Variants in FREM2 observed in about 807,000 individuals in gnomAD.
FREM2 encodes the protein FRAS1-related extracellular matrix protein 2.
A neutral mutation model predicts 219.9 loss-of-function variants in FREM2; 119 were observed. The observed-to-expected ratio is 0.54, with a 90% CI of 0.47 to 0.63. The LOEUF is 0.63. Among genes scored for constraint, FREM2 ranks in the 30% least tolerant of loss-of-function variants. The probability of loss-of-function intolerance (pLI) is 0.00; values close to 1 mark genes in which losing one functional copy is unlikely to be tolerated. For missense variants in FREM2, 4,030 were observed against 3,993.6 expected, an observed-to-expected ratio of 1.01 and a Z score of -0.25; for synonymous variants, 1,562 against 1,522.8, an observed-to-expected ratio of 1.03 and a Z score of -0.60.
chr13:38,843,957 C>A (rs1877055628), intron 6 of FREM2, among the ~76,000 whole-genome samples: 1 of 151,368 alleles, frequency 6.6e-6, no homozygotes, highest in African/African-American at 2.4e-5. Flanking sequence ...CAAACTTTAA[C>A]TTCAGTAATT....
chr13:38,812,708 C>T (rs935127217), intron 6 of FREM2, among the ~76,000 whole-genome samples: 17 of 152,052 alleles, frequency 1.1e-4, no homozygotes, highest in African/African-American at 4.1e-4. Flanking sequence ...TGGTGAAACC[C>T]TGTCTCTACA....
chr13:38,886,676 TG>T lies in FREM2; in HGVS notation c.*5891del, dbSNP rs1259285222. The T allele has an allele frequency of 6.6e-6, 1 of 152,174 alleles. No individual in the cohort carries two copies. Among genetic ancestry groups the T allele is most frequent in the African/African-American group, 2.4e-5 (1 of 41,448 alleles). The allele number at this position is 152,174 out of a possible 1,614,324, so 9.4% of individuals were successfully genotyped here. The stretch of plus-strand genomic sequence containing the variant: ...ACCTCCCAAAGTACTGGAATTACAA[TG>T]GCGTGAGCCACCACAAGATATTTTT... On this transcript the variant is annotated 3_prime_UTR_variant, in exon 24 of 24. Coordinates refer to ENST00000280481, the MANE Select transcript of FREM2 (RefSeq NM_207361.6).
chr13:38,688,196 G>T lies in FREM2; in HGVS notation c.852G>T (p.Val284=). The T allele has an allele frequency of 6.2e-7, 1 of 1,613,290 alleles. No individual in the cohort carries two copies. The highest frequency in any genetic ancestry group is 8.5e-7 in the Non-Finnish European group (1 of 1,179,642). ...ACAGGGACTGGATACCCATGGTGGT[G>T]GAGCTGCGTTCACGAGGGGCTCCTG... ...SPNRDWIPMV[V]ELRSRGAPVG... The change falls in exon 1 of 24, where the codon GTG becomes GTT. Residue 284 remains valine (V), a synonymous_variant. Transcript: ENST00000280481.
chr13:38,854,496 C>A (rs1289947334), intron 11 of FREM2, among the ~76,000 whole-genome samples: 1 of 152,118 alleles, frequency 6.6e-6, no homozygotes, highest in Non-Finnish European at 1.5e-5. Flanking sequence ...TTCTGCCATG[C>A]AGGAAGGTGC....
intron 16 of FREM2, among the ~76,000 whole-genome samples, chr13:38,868,303 G>GT (rs766358065): frequency 2.0e-5 from 3 of 152,154 alleles, no homozygotes; most frequent in Non-Finnish European, 4.4e-5. Context: ...AATGATAGTT[G>GT]TAATAGCTTA....
At chr13:38,806,846 C>T (rs1052129476) in intron 6 of FREM2, among the ~76,000 whole-genome samples, 5 of 151,942 alleles carry the variant, frequency 3.3e-5, no homozygotes, top group African/African-American at 1.2e-4. Context: ...TCTGTCACTG[C>T]TTTATCAGCT....
At chr13:38,777,411 G>A (rs866948302) in intron 4 of FREM2, among the ~76,000 whole-genome samples, 4 of 152,064 alleles carry the variant, frequency 2.6e-5, no homozygotes, top group Non-Finnish European at 5.9e-5. Context: ...TAGTGGTTAC[G>A]AGCCTGGGCG....
intron 16 of FREM2, among the ~76,000 whole-genome samples, chr13:38,870,522 C>T (rs1012047314): frequency 6.9e-6 from 1 of 145,656 alleles, no homozygotes; most frequent in Non-Finnish European, 1.5e-5. Context: ...AAATTAAGTG[C>T]TTTTTAAGTT....
chr13:38,792,309 A>G (rs1874594183), intron 6 of FREM2, among the ~76,000 whole-genome samples: 1 of 152,212 alleles, frequency 6.6e-6, no homozygotes, highest in Admixed American at 6.5e-5. Flanking sequence ...AGATCACACC[A>G]CTGCACTCCA....
At chr13:38,847,577 C>A (rs1877210458) in intron 7 of FREM2, among the ~76,000 whole-genome samples, 1 of 151,344 alleles carries the variant, frequency 6.6e-6, no homozygotes, top group Non-Finnish European at 1.5e-5. Context: ...GAAATAAGAG[C>A]AAAGGGGAAG....
chr13:38,692,461 A>G lies in FREM2; in HGVS notation c.5117A>G (p.His1706Arg), dbSNP rs1244420320. ...LRFIVTEAPQ[H>R]GYLLNLDKGN... Reference sequence around the variant, plus strand: ...TTTATCGTGACAGAGGCCCCTCAACATGGATATCTTCTCAACCTGGACAAA... The same window carrying G: ...TTTATCGTGACAGAGGCCCCTCAACGTGGATATCTTCTCAACCTGGACAAA... The change falls in exon 1 of 24, where the codon CAT becomes CGT. Residue 1706 changes from histidine to arginine, a missense_variant. Transcript: ENST00000280481. The G allele has an allele frequency of 3.7e-6, 6 of 1,613,670 alleles. No individual in the cohort carries two copies. Among genetic ancestry groups the G allele is most frequent in the African/African-American group, 1.3e-5 (1 of 74,920 alleles).
chr13:38,865,233 A>G (rs1325903026), intron 16 of FREM2, among the ~76,000 whole-genome samples: 1 of 152,112 alleles, frequency 6.6e-6, no homozygotes, highest in Non-Finnish European at 1.5e-5. Flanking sequence ...TCTTCTTCAT[A>G]CTACACATTC....
intron 6 of FREM2, among the ~76,000 whole-genome samples, chr13:38,843,947 C>A (rs1333106585): frequency 1.3e-5 from 2 of 151,570 alleles, no homozygotes; most frequent in East Asian, 1.9e-4. Context: ...ATAATCACAT[C>A]AAACTTTAAC....
intron 6 of FREM2, among the ~76,000 whole-genome samples, chr13:38,843,048 C>T (rs1877018992): frequency 6.6e-6 from 1 of 152,198 alleles, no homozygotes. Context: ...GAATTTCACC[C>T]TCACTAGGCC....
rs1326649314 is a variant in FREM2 at position 38,690,780 on chromosome 13, A to C, written c.3436A>C (p.Ile1146Leu). 1.9e-6 allele frequency: 3 copies of C among 1,614,184 alleles called. No homozygotes were observed. Among genetic ancestry groups the C allele is most frequent in the Non-Finnish European group, 2.5e-6 (3 of 1,180,018 alleles). ...FNLKDLRQGH[I>L]NYVQSVHKGV... is the part of the protein sequence containing the mutation. Reference sequence around the variant, plus strand: ...CTTGAAAGATCTCAGGCAGGGCCACATAAACTATGTCCAGAGTGTCCATAA... The same window carrying C: ...CTTGAAAGATCTCAGGCAGGGCCACCTAAACTATGTCCAGAGTGTCCATAA... Residue 1146 changes from isoleucine to leucine, a missense_variant, in exon 1 of 24, where the codon ATA (isoleucine) becomes CTA (leucine). Around this residue, in one of 2 missense-constraint regions of FREM2, gnomAD observed 3,102 missense variants for 2,950.7 expected, o/e 1.05. Coordinates refer to ENST00000280481, the MANE Select transcript of FREM2 (RefSeq NM_207361.6).
intron 2 of FREM2, among the ~76,000 whole-genome samples, chr13:38,700,355 C>T (rs1273025800): frequency 6.6e-6 from 1 of 151,940 alleles, no homozygotes; most frequent in Non-Finnish European, 1.5e-5. Context: ...TTTTGGAGTG[C>T]TTTGGGACTT....
rs74895383 is a variant in FREM2 at position 38,878,081 on chromosome 13, G to A, written c.8672-53G>A. ...TGTCATAACCTGTTTACAGTGTCAC[G>A]TTGATATACCTTATCATATAACAGA... On this transcript the variant is annotated intron_variant, in intron 21 of 23. Transcript: ENST00000280481. The A allele has an allele frequency of 6.4e-3, 9,275 of 1,439,632 alleles. 43 individuals are homozygous for A. The highest frequency in any genetic ancestry group is 8.0e-3 in the Non-Finnish European group (8,170 of 1,022,294). The allele number at this position is 1,439,632 out of a possible 1,614,324, so 89.2% of individuals were successfully genotyped here. A position where few individuals can be genotyped will look rare whatever the true frequency, so the allele number is the denominator to read the frequency against.
At chr13:38,815,416 G>A (rs1402082601) in intron 6 of FREM2, among the ~76,000 whole-genome samples, 1 of 152,144 alleles carries the variant, frequency 6.6e-6, no homozygotes, top group East Asian at 1.9e-4. Flanking sequence ...TCAACAAAAT[G>A]AAGAGTTAAT....
At chr13:38,801,925 G>A (rs1452645663) in intron 6 of FREM2, among the ~76,000 whole-genome samples, 1 of 152,148 alleles carries the variant, frequency 6.6e-6, no homozygotes, top group Non-Finnish European at 1.5e-5. Flanking sequence ...GGTCTGTTGT[G>A]GTGGCTGCAA....
Sources: allele counts gnomAD v4.1 joint callset (sites outside exome capture counted in the v4.1 genomes callset), GRCh38; gene constraint gnomAD v4.1.1; regional missense constraint gnomAD v4.1.1; transcripts MANE v1.5; gene names NCBI Gene and HGNC (gene_info 2026-07-23, HGNC 2026-07-21).